Variants in PLB1 observed in about 807,000 individuals in gnomAD.
PLB1 encodes phospholipase B1, membrane-associated.
Under a neutral mutation model 227.4 loss-of-function variants are expected in PLB1, and 242 were observed. The ratio of observed to expected loss-of-function variants is 1.06; its 90% confidence interval spans 0.96 to 1.18. PLB1 has a LOEUF of 1.18. Ranked by LOEUF, PLB1 falls within the 50% of genes most tolerant of loss-of-function variation. The pLI is 0.00. For synonymous variants in PLB1, 757 were observed against 682.2 expected (o/e 1.11, Z -1.71); for missense variants, 1,858 against 1,816.3 (o/e 1.02, Z -0.42).
chr2:28,623,022 G>T (rs1687248832), intron 49 of PLB1, among the ~76,000 whole-genome samples: 1 of 149,274 alleles, frequency 6.7e-6, no homozygotes, highest in Non-Finnish European at 1.5e-5. Context: ...GACAATGCTG[G>T]GTATGGCAAC....
intron 4 of PLB1, among the ~76,000 whole-genome samples, chr2:28,520,470 C>T (rs1316050557): frequency 1.3e-5 from 2 of 152,156 alleles, no homozygotes; most frequent in Non-Finnish European, 2.9e-5. Context: ...GTGGTAAATA[C>T]ATAGAACACA....
chr2:28,506,758 C>G (rs1667677349), intron 1 of PLB1, among the ~76,000 whole-genome samples: 1 of 152,108 alleles, frequency 6.6e-6, no homozygotes, highest in South Asian at 2.1e-4. Flanking sequence ...CATAAAAGGT[C>G]ATGAGTCAAA....
intron 51 of PLB1, among the ~76,000 whole-genome samples, chr2:28,628,211 G>T (rs904353285): frequency 6.6e-6 from 1 of 152,208 alleles, no homozygotes; most frequent in African/African-American, 2.4e-5. Context: ...TGGCCACCCA[G>T]GGCATGGCAA....
At chr2:28,543,021 C>T (rs954480888) in intron 13 of PLB1, among the ~76,000 whole-genome samples, 191 bp from the exon 14 acceptor site, 1 of 152,136 alleles carries the variant, frequency 6.6e-6, no homozygotes, top group Non-Finnish European at 1.5e-5. Context: ...TCCTGCAGGC[C>T]CTGACCTCAG....
chr2:28,510,057 A>G (rs1453475137), intron 1 of PLB1, among the ~76,000 whole-genome samples: 2 of 152,194 alleles, frequency 1.3e-5, no homozygotes, highest in African/African-American at 4.8e-5. Context: ...CAAGGTAAAA[A>G]CATGAACTCC....
At position 28,582,105 on chromosome 2, in the gene PLB1, G is replaced by C. The variant is rs773031007; in HGVS notation, c.1604G>C (p.Gly535Ala). 6.2e-7 allele frequency: 1 copy of C among 1,614,076 alleles called. No individual in the cohort carries two copies. Among genetic ancestry groups the C allele is most frequent in the South Asian group, 1.1e-5 (1 of 91,082 alleles). Residue 535 changes from glycine (G) to alanine (A), a missense_variant, in exon 24 of 58, where the codon GGA becomes GCA. Transcript: ENST00000327757. Reference sequence around the variant, plus strand: ...CCCCAGAACTTCACAGACAACATTGGAAAGGCCCTGGACATCCTCCATGCT... The same window carrying C: ...CCCCAGAACTTCACAGACAACATTGCAAAGGCCCTGGACATCCTCCATGCT... ...YSPQNFTDNI[G>A]KALDILHAEV... is the part of the protein sequence containing the mutation.
intron 47 of PLB1, 52 bp from the exon 48 acceptor site, chr2:28,620,548 C>A (rs368454721): frequency 1.3e-5 from 21 of 1,567,658 alleles, no homozygotes; most frequent in Non-Finnish European, 1.7e-5. Flanking sequence ...TATGTTGACA[C>A]AGGGAGCAGC....
At chr2:28,606,474 C>A in intron 42 of PLB1, 22 bp from the exon 43 acceptor site, 1 of 1,607,766 alleles carries the variant, frequency 6.2e-7, no homozygotes, top group Non-Finnish European at 8.5e-7. Context: ...ACACCCGTGT[C>A]TCTCTTTTCT....
chr2:28,507,575 CAT>C (rs1346318662), intron 1 of PLB1, among the ~76,000 whole-genome samples: 7 of 152,310 alleles, frequency 4.6e-5, no homozygotes, highest in African/African-American at 9.6e-5. Flanking sequence ...AAGTTTCCAA[CAT>C]ATGAATTTTG....
rs543680370 is a variant in PLB1 at position 28,536,043 on chromosome 2, AG to A, written c.556-2273del. 1.3e-3 allele frequency among the ~76,000 whole-genome samples: 191 copies of A among 152,326 alleles called. 1 individual carries two copies. Among genetic ancestry groups the A allele is most frequent in the African/African-American group, 4.4e-3 (181 of 41,580 alleles). On this transcript the variant is annotated intron_variant, in intron 9 of 57. Coordinates refer to ENST00000327757, the MANE Select transcript of PLB1 (RefSeq NM_153021.5). ...ACCTGACTTTACAGAGCAGGTGTCA[AG>A]GGTTTCCTAAAAGTTCACACGAGAA...
chr2:28,536,166 T>C (rs1041654953), intron 9 of PLB1, among the ~76,000 whole-genome samples: 5 of 152,326 alleles, frequency 3.3e-5, no homozygotes, highest in Admixed American at 6.5e-5. Flanking sequence ...TGGGCTCATT[T>C]AATGGGAAAT....
chr2:28,517,761 A>C (rs1414925270), intron 2 of PLB1, among the ~76,000 whole-genome samples: 1 of 152,180 alleles, frequency 6.6e-6, no homozygotes, highest in Admixed American at 6.5e-5. Context: ...CACTAGTAAA[A>C]TATATACAAA....
intron 43 of PLB1, among the ~76,000 whole-genome samples, chr2:28,609,444 A>G (rs1685133619): frequency 6.6e-6 from 1 of 152,006 alleles, no homozygotes; most frequent in Non-Finnish European, 1.5e-5. Flanking sequence ...TGTATGATCA[A>G]GCAGGAGGGG....
intron 18 of PLB1, among the ~76,000 whole-genome samples, chr2:28,564,699 G>A (rs1676595404): frequency 6.6e-6 from 1 of 152,108 alleles, no homozygotes; most frequent in South Asian, 2.1e-4. Flanking sequence ...TCTCATGGAG[G>A]CCAGCCTTCA....
At chr2:28,525,202 G>C in intron 4 of PLB1, 65 bp from the exon 5 acceptor site, 2 of 1,492,360 alleles carry the variant, frequency 1.3e-6, no homozygotes, top group Non-Finnish European at 1.9e-6. Flanking sequence ...GGCAGCTTGC[G>C]GTCTAACTAG....
intron 33 of PLB1, 29 bp downstream of exon 33, chr2:28,593,783 G>A (rs745866006): frequency 4.9e-5 from 77 of 1,587,624 alleles, no homozygotes; most frequent in East Asian, 2.2e-4. Context: ...CTCTCCCAGC[G>A]TTCCCCCCAC....
At chr2:28,591,098 AT>A in intron 29 of PLB1, 34 bp from the exon 30 acceptor site, 1 of 1,613,780 alleles carries the variant, frequency 6.2e-7, no homozygotes, top group Non-Finnish European at 8.5e-7. Context: ...AGTGAGCAGA[AT>A]TTGCTGCCAT....
chr2:28,523,030 A>G (rs1288998014), intron 4 of PLB1, among the ~76,000 whole-genome samples: 1 of 152,186 alleles, frequency 6.6e-6, no homozygotes, highest in Non-Finnish European at 1.5e-5. Flanking sequence ...CTTCTTTGGA[A>G]CTACAACTAG....
intron 57 of PLB1, 41 bp from the exon 58 acceptor site, chr2:28,642,817 C>T: frequency 2.7e-6 from 4 of 1,505,922 alleles, no homozygotes; most frequent in Non-Finnish European, 3.6e-6. Context: ...ATGGATGGTT[C>T]ACGGAGATCC....
Sources: gnomAD v4.1 joint callset for allele counts (sites outside exome capture counted in the v4.1 genomes callset) on GRCh38, gnomAD v4.1.1 for gene constraint, MANE v1.5 for transcripts, NCBI Gene and HGNC (gene_info 2026-07-23, HGNC 2026-07-21) for gene names.